Variants in ARHGEF3 observed in about 807,000 individuals in gnomAD.
The protein encoded by ARHGEF3 is 59.8 kDA protein.
Under a neutral mutation model 63.2 loss-of-function variants are expected in ARHGEF3, and 28 were observed. That is an observed-to-expected ratio of 0.44 (90% confidence interval 0.33 to 0.61). The LOEUF is 0.61. ARHGEF3 is among the 20% of genes least tolerant of loss of function. ARHGEF3 has a pLI of 0.03. For synonymous variants in ARHGEF3, 266 were observed against 254.2 expected (o/e 1.05, Z -0.44); for missense variants, 533 against 659.3 (o/e 0.81, Z 2.10).
intron 6 of ARHGEF3, among the ~76,000 whole-genome samples, chr3:56,749,916 C>CGAGCGAGACTCCGTCTCAAAAAAAAAAA (rs2034624188): frequency 3.9e-5 from 6 of 152,136 alleles, no homozygotes; most frequent in African/African-American, 1.4e-4. Context: ...ACTTTCTGCA[C>CGAGCGAGACTCCGTCTCAAAAAAAAAAA]ATCTATGTGT....
chr3:56,963,843 T>C (rs1265605189), intron 2 of ARHGEF3, among the ~76,000 whole-genome samples: 1 of 152,164 alleles, frequency 6.6e-6, no homozygotes, highest in Non-Finnish European at 1.5e-5. Context: ...GACTGGCAGG[T>C]GTTTAGCCAG....
intron 2 of ARHGEF3, 81 bp from the exon 3 acceptor site, chr3:56,755,232 G>A: frequency 1.4e-6 from 2 of 1,444,468 alleles, no homozygotes; most frequent in Non-Finnish European, 9.5e-7. Flanking sequence ...GTCGTTGACG[G>A]AACATAAATC....
intron 3 of ARHGEF3, among the ~76,000 whole-genome samples, chr3:56,912,713 A>G (rs1015470177): frequency 2.0e-5 from 3 of 152,230 alleles, no homozygotes; most frequent in African/African-American, 7.2e-5. Flanking sequence ...CTGACATGTA[A>G]TCAATCATTT....
intron 3 of ARHGEF3, among the ~76,000 whole-genome samples, chr3:56,928,188 T>C (rs2042323759): frequency 6.6e-6 from 1 of 152,154 alleles, no homozygotes; most frequent in South Asian, 2.1e-4. Context: ...ATGGCACCTG[T>C]AGGCAGTGAA....
chr3:56,765,622 C>G (rs2035661267), intron 2 of ARHGEF3, among the ~76,000 whole-genome samples: 1 of 152,082 alleles, frequency 6.6e-6, no homozygotes. Flanking sequence ...ATCAGCCATC[C>G]CATATTCCCT....
At chr3:56,771,260 G>C (rs1436063064) in intron 2 of ARHGEF3, among the ~76,000 whole-genome samples, 1 of 152,088 alleles carries the variant, frequency 6.6e-6, no homozygotes, top group Non-Finnish European at 1.5e-5. Context: ...ATTTCTTTCT[G>C]TTCTAGTTCT....
chr3:56,949,388 C>T (rs1185324541), intron 3 of ARHGEF3, among the ~76,000 whole-genome samples: 1 of 151,968 alleles, frequency 6.6e-6, no homozygotes. Flanking sequence ...ACCCCATCGT[C>T]TCAGCCCAAA....
At chr3:56,902,357 T>C (rs1157563725) in intron 3 of ARHGEF3, among the ~76,000 whole-genome samples, 1 of 151,928 alleles carries the variant, frequency 6.6e-6, no homozygotes, top group Admixed American at 6.6e-5. Flanking sequence ...TGGATGGAGA[T>C]AGACAGATTT....
chr3:56,769,693 A>G (rs540529693), intron 2 of ARHGEF3, among the ~76,000 whole-genome samples: 1 of 152,360 alleles, frequency 6.6e-6, no homozygotes, highest in South Asian at 2.1e-4. Context: ...TGGTCTCCTG[A>G]GGAACCAGAG....
intron 3 of ARHGEF3, among the ~76,000 whole-genome samples, chr3:56,922,002 C>G (rs1286439606): frequency 6.6e-6 from 1 of 152,006 alleles, no homozygotes; most frequent in African/African-American, 2.4e-5. Flanking sequence ...CTAAACAAAT[C>G]TGAACTTTTA....
chr3:57,048,072 T>G (rs1047576558), intron 1 of ARHGEF3, among the ~76,000 whole-genome samples: 1 of 152,144 alleles, frequency 6.6e-6, no homozygotes, highest in Non-Finnish European at 1.5e-5. Context: ...CCCTTCCTGC[T>G]GGCCCAGACA....
chr3:56,989,154 C>T (rs965678925), intron 2 of ARHGEF3, among the ~76,000 whole-genome samples: 3 of 151,996 alleles, frequency 2.0e-5, no homozygotes, highest in Non-Finnish European at 2.9e-5. Context: ...GCTCCGCTGC[C>T]GGGTGGCAAG....
chr3:56,770,162 C>T (rs894432893), intron 2 of ARHGEF3, among the ~76,000 whole-genome samples: 3 of 152,152 alleles, frequency 2.0e-5, no homozygotes, highest in Admixed American at 6.5e-5. Context: ...TCTGTAATCC[C>T]AGCACTTTGG....
intron 1 of ARHGEF3, among the ~76,000 whole-genome samples, chr3:57,050,265 C>T (rs1202843479): frequency 1.3e-5 from 2 of 152,240 alleles, no homozygotes. Flanking sequence ...TCCCACAACC[C>T]TAAAAATACA....
intron 1 of ARHGEF3, among the ~76,000 whole-genome samples, chr3:56,800,004 C>T (rs1406582285): frequency 6.6e-6 from 1 of 152,148 alleles, no homozygotes; most frequent in Non-Finnish European, 1.5e-5. Flanking sequence ...CTAGATCCAG[C>T]TACCAATGAA....
chr3:56,943,073 T>C (rs1699267554), intron 3 of ARHGEF3, among the ~76,000 whole-genome samples: 1 of 152,204 alleles, frequency 6.6e-6, no homozygotes, highest in Non-Finnish European at 1.5e-5. Context: ...CAGCAAGCTA[T>C]CCAGAAGATC....
At chr3:56,919,692 CA>C (rs2042075662) in intron 3 of ARHGEF3, among the ~76,000 whole-genome samples, 1 of 152,230 alleles carries the variant, frequency 6.6e-6, no homozygotes, top group African/African-American at 2.4e-5. Context: ...ACTGAAACCA[CA>C]GCGACTAAGG....
intron 2 of ARHGEF3, among the ~76,000 whole-genome samples, chr3:56,772,633 A>C (rs1312448954): frequency 6.6e-6 from 1 of 152,236 alleles, no homozygotes; most frequent in African/African-American, 2.4e-5. Flanking sequence ...CTCAACGTTC[A>C]CTTTAAAAGA....
At chr3:57,017,257 T>TG (rs540939636) in intron 2 of ARHGEF3, among the ~76,000 whole-genome samples, 1 of 151,954 alleles carries the variant, frequency 6.6e-6, no homozygotes, top group Admixed American at 6.6e-5. Flanking sequence ...CAGCAGAGGT[T>TG]GGGGGAAGGG....
Sources: gnomAD v4.1 joint callset for allele counts (sites outside exome capture counted in the v4.1 genomes callset) on GRCh38, gnomAD v4.1.1 for gene constraint, MANE v1.5 for transcripts, NCBI Gene and HGNC (gene_info 2026-07-23, HGNC 2026-07-21) for gene names.